Variants in CMIP observed in about 807,000 individuals in gnomAD.
The protein encoded by CMIP is C-Maf-inducing protein.
Under a neutral mutation model 97.3 loss-of-function variants are expected in CMIP, and 13 were observed. That is an observed-to-expected ratio of 0.13 (90% CI 0.09 to 0.21). CMIP has a LOEUF of 0.21. Among genes scored for constraint, CMIP ranks in the 10% least tolerant of loss-of-function variants. The probability of loss-of-function intolerance (pLI) is 1.00; values close to 1 mark genes in which losing one functional copy is unlikely to be tolerated. For missense variants in CMIP, 847 were observed against 1,024.9 expected (o/e 0.83, Z 2.37); for synonymous variants, 538 against 436.3 (o/e 1.23, Z -2.91).
chr16:81,529,159 G>A (rs1018203998), intron 1 of CMIP, among the ~76,000 whole-genome samples: 5 of 152,188 alleles, frequency 3.3e-5, no homozygotes, highest in Non-Finnish European at 7.3e-5. Context: ...ATATAAGGGG[G>A]GAAGAAGAGA....
At chr16:81,582,384 C>A (rs1052988269) in intron 1 of CMIP, among the ~76,000 whole-genome samples, 1 of 152,142 alleles carries the variant, frequency 6.6e-6, no homozygotes, top group Non-Finnish European at 1.5e-5. Context: ...TTCTGAAAGC[C>A]ACTTATCAGA....
chr16:81,475,563 A>G (rs1388919635), intron 1 of CMIP, among the ~76,000 whole-genome samples: 2 of 152,148 alleles, frequency 1.3e-5, no homozygotes, highest in East Asian at 1.9e-4. Context: ...CCAGCTAGGC[A>G]TGGAAGGGAA....
At chr16:81,692,803 C>A (rs1906248188) in intron 11 of CMIP, among the ~76,000 whole-genome samples, 2 of 152,168 alleles carry the variant, frequency 1.3e-5, no homozygotes, top group Non-Finnish European at 2.9e-5. Flanking sequence ...GTAATGAGTG[C>A]CGCCCGCCTT....
At chr16:81,462,050 A>G (rs911579574) in intron 1 of CMIP, among the ~76,000 whole-genome samples, 10 of 151,790 alleles carry the variant, frequency 6.6e-5, no homozygotes, top group African/African-American at 2.2e-4. Flanking sequence ...ATTATCTTTT[A>G]CTTCTCTTCT....
chr16:81,444,943 C>G lies in CMIP; in HGVS notation c.-299C>G, dbSNP rs1442470238. Among the ~76,000 whole-genome samples the G allele has an allele frequency of 7.9e-5, 11 of 138,710 alleles. No homozygotes were observed. The highest frequency in any genetic ancestry group is 2.3e-4 in the African/African-American group (9 of 38,560). The allele number at this position is 138,710 out of a possible 152,430, so 91.0% of individuals were successfully genotyped here. A position where few individuals can be genotyped will look rare whatever the true frequency, so the allele number is the denominator to read the frequency against. On this transcript the variant is annotated 5_prime_UTR_variant, in exon 1 of 21. Coordinates refer to ENST00000537098, the MANE Select transcript of CMIP (RefSeq NM_198390.3). ...CCTCCGCGCCTGGCCCCGGCCCGCCCTCGGCCTCCCCCGCCCCTCCCCGTC... is the reference window on the plus strand; with the variant it reads ...CCTCCGCGCCTGGCCCCGGCCCGCCGTCGGCCTCCCCCGCCCCTCCCCGTC...
At chr16:81,545,483 C>A (rs1024184989) in intron 1 of CMIP, among the ~76,000 whole-genome samples, 7 of 152,174 alleles carry the variant, frequency 4.6e-5, no homozygotes, top group Non-Finnish European at 7.3e-5. Flanking sequence ...CTGAGCGTCT[C>A]CTGTGTGAAG....
intron 1 of CMIP, chr16:81,495,266 C>A: frequency 1.4e-6 from 2 of 1,397,120 alleles, no homozygotes; most frequent in Non-Finnish European, 1.9e-6. Context: ...ACCTCTCAGC[C>A]TGGGGGAAGC....
At chr16:81,557,896 A>C (rs924611148) in intron 1 of CMIP, among the ~76,000 whole-genome samples, 4 of 151,940 alleles carry the variant, frequency 2.6e-5, no homozygotes, top group African/African-American at 9.7e-5. Flanking sequence ...CATCTTCAGA[A>C]CTCTTTTCAT....
intron 13 of CMIP, 156 bp from the exon 14 acceptor site, chr16:81,696,404 G>A (rs997751961): frequency 9.8e-6 from 7 of 714,758 alleles, no homozygotes; most frequent in African/African-American, 1.8e-5. Flanking sequence ...CATGGCATTT[G>A]GTGGAAGGCT....
At chr16:81,595,952 A>G (rs1278289819) in intron 1 of CMIP, among the ~76,000 whole-genome samples, 1 of 152,124 alleles carries the variant, frequency 6.6e-6, no homozygotes, top group Non-Finnish European at 1.5e-5. Flanking sequence ...CTACCAAACT[A>G]TTTTACAAAA....
intron 3 of CMIP, among the ~76,000 whole-genome samples, chr16:81,642,559 A>G (rs969832309): frequency 2.0e-5 from 3 of 152,200 alleles, no homozygotes; most frequent in African/African-American, 4.8e-5. Flanking sequence ...CAGGGCAAAA[A>G]GCAACAATAT....
At position 81,445,319 on chromosome 16, in the gene CMIP, C is replaced by T. The variant is rs373814316; in HGVS notation, c.78C>T (p.Asp26=). The T allele has an allele frequency of 6.3e-6, 10 of 1,579,798 alleles. No homozygotes were observed. In the East Asian group the frequency reaches 1.2e-4, roughly 18 times the overall value. ...IEETKPLLGG[D]VSAPEGTKMG... ...AGACCAAGCCGCTGCTGGGGGGCGACGTGTCGGCCCCCGAAGGCACGAAGA... is the reference window on the plus strand; with the variant it reads ...AGACCAAGCCGCTGCTGGGGGGCGATGTGTCGGCCCCCGAAGGCACGAAGA... Residue 26 remains aspartate, a synonymous_variant, in exon 1 of 21, where the codon GAC becomes GAT. Coordinates refer to ENST00000537098, the MANE Select transcript of CMIP (RefSeq NM_198390.3).
intron 1 of CMIP, among the ~76,000 whole-genome samples, chr16:81,550,026 C>T (rs2090622921): frequency 1.3e-5 from 2 of 152,224 alleles, no homozygotes; most frequent in Non-Finnish European, 2.9e-5. Flanking sequence ...CAAATGTGTG[C>T]ACATCTACAT....
Position 81,686,530 on chromosome 16 carries a change from C to T in CMIP, c.1389-5245C>T, listed in dbSNP as rs147906046. On this transcript the variant is annotated intron_variant, in intron 10 of 20. Transcript: ENST00000537098. ...CGCTCTGGAGATTAAGTGAGCAAGT[C>T]GGGTAGGCAGTGAGTAAGCGGTCGC... is the stretch of plus-strand genomic sequence containing the variant. Among the ~76,000 whole-genome samples the T allele has an allele frequency of 3.2e-3, 492 of 152,308 alleles. 2 individuals carry two copies. Among genetic ancestry groups the T allele is most frequent in the Middle Eastern group, 0.024 (7 of 294 alleles).
At chr16:81,462,433 C>G (rs1261360580) in intron 1 of CMIP, among the ~76,000 whole-genome samples, 2 of 152,036 alleles carry the variant, frequency 1.3e-5, no homozygotes, top group African/African-American at 4.8e-5. Flanking sequence ...GGGCAATAAA[C>G]CAGGCTAGGG....
In CMIP at chr16:81,472,914, G is replaced by A. The variant is rs773255559; in HGVS notation, c.300+27373G>A. Among the ~76,000 whole-genome samples the A allele has an allele frequency of 7.9e-5, 12 of 152,298 alleles. No individual in the cohort carries two copies. The South Asian group carries it at 1.7e-3, about 21-fold the overall frequency. Reference sequence around the variant, plus strand: ...GTTCCTTTCGGGGCTTGGCCACACCGCAGCTGCCCAGTGAGTGTGTGAGGG... The same window carrying A: ...GTTCCTTTCGGGGCTTGGCCACACCACAGCTGCCCAGTGAGTGTGTGAGGG... On this transcript the variant is annotated intron_variant, in intron 1 of 20. Transcript: ENST00000537098.
intron 1 of CMIP, among the ~76,000 whole-genome samples, chr16:81,469,773 C>G (rs1907412857): frequency 6.6e-6 from 1 of 152,172 alleles, no homozygotes; most frequent in Non-Finnish European, 1.5e-5. Flanking sequence ...TTAAACTCTA[C>G]CTGGAAAATG....
chr16:81,689,156 C>T (rs546058769), intron 10 of CMIP, among the ~76,000 whole-genome samples: 1 of 152,306 alleles, frequency 6.6e-6, no homozygotes, highest in South Asian at 2.1e-4. Context: ...GATTTATAAT[C>T]CTTTGGGTAT....
At chr16:81,548,472 A>G (rs956869691) in intron 1 of CMIP, among the ~76,000 whole-genome samples, 2 of 152,036 alleles carry the variant, frequency 1.3e-5, no homozygotes, top group Non-Finnish European at 2.9e-5. Context: ...TGGGCATGGT[A>G]GGACATTTGG....
Sources: allele counts gnomAD v4.1 joint callset (sites outside exome capture counted in the v4.1 genomes callset), GRCh38; gene constraint gnomAD v4.1.1; transcripts MANE v1.5; gene names NCBI Gene and HGNC (gene_info 2026-07-23, HGNC 2026-07-21).